Variants in DLG2 observed in about 807,000 individuals in gnomAD.
DLG2 encodes the protein disks large homolog 2.
In DLG2, 45 loss-of-function variants were observed where a neutral mutation model predicts 132.5. That is an observed-to-expected ratio of 0.34 (90% CI 0.27 to 0.44). DLG2 has a LOEUF of 0.44. Among genes scored for constraint, DLG2 ranks in the 20% least tolerant of loss-of-function variants. DLG2 has a pLI of 1.00. For missense variants in DLG2, 1,045 were observed against 1,196.9 expected, an observed-to-expected ratio of 0.87 and a Z score of 1.87; for synonymous variants, 424 against 419.6, an observed-to-expected ratio of 1.01 and a Z score of -0.13.
intron 11 of DLG2, among the ~76,000 whole-genome samples, chr11:84,027,171 G>C (rs1004509249): frequency 6.6e-6 from 1 of 152,064 alleles, no homozygotes; most frequent in Non-Finnish European, 1.5e-5. Context: ...CAGGGTTGTA[G>C]CTAAGTAGGG....
chr11:83,495,939 T>C (rs2094126480), intron 21 of DLG2, among the ~76,000 whole-genome samples: 1 of 152,044 alleles, frequency 6.6e-6, no homozygotes. Flanking sequence ...ATGGATAGAA[T>C]GTAAAAAGCA....
chr11:85,449,549 G>A (rs550340290), intron 3 of DLG2, among the ~76,000 whole-genome samples: 1 of 151,830 alleles, frequency 6.6e-6, no homozygotes, highest in Non-Finnish European at 1.5e-5. Context: ...ATATTAGAGA[G>A]TACATGCTTT....
At chr11:83,700,205 G>A (rs184655439) in intron 18 of DLG2, among the ~76,000 whole-genome samples, 67 of 152,032 alleles carry the variant, frequency 4.4e-4, no homozygotes, top group Non-Finnish European at 8.4e-4. Context: ...GCTTACCATG[G>A]GGCTTGACAC....
At chr11:85,421,644 T>C (rs1281678192) in intron 3 of DLG2, among the ~76,000 whole-genome samples, 1 of 152,016 alleles carries the variant, frequency 6.6e-6, no homozygotes, top group Non-Finnish European at 1.5e-5. Context: ...AAGTGGAGGA[T>C]TTAGGTCATT....
At chr11:84,686,141 C>A (rs545703016) in intron 6 of DLG2, among the ~76,000 whole-genome samples, 1 of 152,288 alleles carries the variant, frequency 6.6e-6, no homozygotes, top group East Asian at 1.9e-4. Context: ...TCGAGCCAGA[C>A]AGCATATGGA....
intron 19 of DLG2, among the ~76,000 whole-genome samples, chr11:83,588,362 C>G (rs1409273267): frequency 6.6e-6 from 1 of 151,874 alleles, no homozygotes; most frequent in African/African-American, 2.4e-5. Context: ...AGGCACCCCC[C>G]AGCAGGGGCA....
chr11:84,438,188 G>A (rs2099006699), intron 7 of DLG2, among the ~76,000 whole-genome samples: 1 of 152,156 alleles, frequency 6.6e-6, no homozygotes, highest in Non-Finnish European at 1.5e-5. Context: ...TTTGGTCCAA[G>A]GAATATCACT....
At chr11:83,534,162 C>G (rs927756905) in intron 20 of DLG2, among the ~76,000 whole-genome samples, 3 of 152,320 alleles carry the variant, frequency 2.0e-5, no homozygotes, top group Non-Finnish European at 2.9e-5. Flanking sequence ...GTAACTGGAA[C>G]AGTCTCCATG....
intron 6 of DLG2, among the ~76,000 whole-genome samples, chr11:84,766,941 A>C (rs138758354): frequency 1.3e-5 from 2 of 152,228 alleles, no homozygotes; most frequent in African/African-American, 4.8e-5. Flanking sequence ...TTGGATTCCA[A>C]AGACCATGTG....
chr11:84,676,746 C>T (rs2099712209), intron 6 of DLG2, among the ~76,000 whole-genome samples: 1 of 151,906 alleles, frequency 6.6e-6, no homozygotes, highest in Non-Finnish European at 1.5e-5. Flanking sequence ...TGACAGCCAT[C>T]AATATAATAT....
chr11:83,462,267 C>A (rs1466573076), intron 26 of DLG2, 174 bp from the exon 27 acceptor site: 1 of 554,424 alleles, frequency 1.8e-6, no homozygotes, highest in African/African-American at 1.9e-5. Flanking sequence ...CAAGGACTCA[C>A]GGCCAGAAAG....
chr11:85,396,457 G>A (rs1055237196), intron 3 of DLG2, among the ~76,000 whole-genome samples: 2 of 152,112 alleles, frequency 1.3e-5, no homozygotes, highest in African/African-American at 2.4e-5. Context: ...GGCTTCAGAA[G>A]GTCGGTAATA....
At chr11:84,176,272 G>A (rs1385072895) in intron 8 of DLG2, among the ~76,000 whole-genome samples, 1 of 150,126 alleles carries the variant, frequency 6.7e-6, no homozygotes. Context: ...TTAAATAATT[G>A]TAGTTAATAT....
intron 6 of DLG2, among the ~76,000 whole-genome samples, chr11:85,071,341 C>T (rs1194399234): frequency 6.6e-6 from 1 of 151,804 alleles, no homozygotes; most frequent in African/African-American, 2.4e-5. Context: ...AAGTTGACTC[C>T]AAGCCAACCC....
At chr11:84,203,765 G>A (rs1043074365) in intron 8 of DLG2, among the ~76,000 whole-genome samples, 8 of 151,874 alleles carry the variant, frequency 5.3e-5, no homozygotes, top group African/African-American at 1.7e-4. Flanking sequence ...AACACAAAAT[G>A]GGGCTTGTCA....
chr11:84,637,297 T>C (rs1356748344), intron 6 of DLG2, among the ~76,000 whole-genome samples: 2 of 152,196 alleles, frequency 1.3e-5, no homozygotes, highest in Non-Finnish European at 1.5e-5. Flanking sequence ...CAGGCTGTGA[T>C]CACTCTTTTC....
chr11:84,141,261 T>C (rs936103956), intron 9 of DLG2, among the ~76,000 whole-genome samples: 3 of 151,928 alleles, frequency 2.0e-5, no homozygotes, highest in Non-Finnish European at 2.9e-5. Flanking sequence ...GTGACATGCA[T>C]AACTGCATAC....
At chr11:85,469,799 A>G (rs2092923770) in intron 3 of DLG2, 2 of 152,232 alleles carry the variant, frequency 1.3e-5, no homozygotes, top group South Asian at 4.1e-4. Flanking sequence ...CTAGGAGGCC[A>G]GTTGAAGGGA....
At chr11:83,491,449 T>C (rs1410580686) in intron 21 of DLG2, among the ~76,000 whole-genome samples, 1 of 152,060 alleles carries the variant, frequency 6.6e-6, no homozygotes, top group East Asian at 1.9e-4. Context: ...AATTAAGTTC[T>C]GTGAAATGGA....
Sources: allele counts gnomAD v4.1 joint callset (sites outside exome capture counted in the v4.1 genomes callset), GRCh38; gene constraint gnomAD v4.1.1; transcripts MANE v1.5; gene names NCBI Gene and HGNC (gene_info 2026-07-23, HGNC 2026-07-21).